The following PRKCB variants were observed in gnomAD, a reference collection of about 807,000 sequenced individuals.
PRKCB encodes protein kinase C beta, also known as protein kinase C beta type.
PRKCB carries 13 observed loss-of-function variants against 81.5 expected under a neutral mutation model. The observed-to-expected ratio is 0.16, with a 90% CI of 0.10 to 0.25. PRKCB has a LOEUF of 0.25. Ranked by LOEUF, PRKCB falls within the 10% of genes least tolerant of loss-of-function variation. PRKCB has a pLI of 1.00. For synonymous variants in PRKCB, 335 were observed against 321.4 expected (o/e 1.04, Z -0.45); for missense variants, 509 against 875.7 (o/e 0.58, Z 5.29).
At chr16:24,040,311 C>T (rs1376479476) in intron 5 of PRKCB, among the ~76,000 whole-genome samples, 1 of 152,148 alleles carries the variant, frequency 6.6e-6, no homozygotes, top group Non-Finnish European at 1.5e-5. Flanking sequence ...AATCCTTGGT[C>T]CTCTGCAGAC....
At chr16:23,974,463 G>C (rs187169286) in intron 2 of PRKCB, among the ~76,000 whole-genome samples, 1 of 152,166 alleles carries the variant, frequency 6.6e-6, no homozygotes, top group African/African-American at 2.4e-5. Context: ...TGGAGAACAG[G>C]AGGAGGAGCC....
Position 24,039,162 on chromosome 16 carries a change from C to T in PRKCB, c.529+3615C>T, listed in dbSNP as rs1459486389. On this transcript the variant is annotated intron_variant, in intron 5 of 16. Coordinates refer to ENST00000643927, the MANE Select transcript of PRKCB (RefSeq NM_002738.7). ...GAGTCCTTACCAGGAATTGAAGCTG[C>T]TGGTACCTCGATCTTGGACTTCCCA... is the stretch of plus-strand genomic sequence containing the variant. Among the ~76,000 whole-genome samples, 3 of 152,198 alleles carry T rather than the reference C, an allele frequency of 2.0e-5. No individual in the cohort carries two copies. In the East Asian group the frequency reaches 5.8e-4, roughly 29 times the overall value.
chr16:23,859,638 G>A (rs1260620167), intron 2 of PRKCB, among the ~76,000 whole-genome samples: 1 of 152,140 alleles, frequency 6.6e-6, no homozygotes, highest in East Asian at 1.9e-4. Context: ...TGAGGCAGAG[G>A]AAGCAGTGAA....
chr16:24,082,618 C>A (rs1018406331), intron 5 of PRKCB, among the ~76,000 whole-genome samples: 11 of 152,136 alleles, frequency 7.2e-5, no homozygotes, highest in Non-Finnish European at 1.5e-5. Context: ...AAAGGACGGT[C>A]TTTCAACAAA....
At chr16:24,136,878 GTTTA>G (rs1966866670) in intron 9 of PRKCB, among the ~76,000 whole-genome samples, 2 of 151,700 alleles carry the variant, frequency 1.3e-5, no homozygotes, top group South Asian at 2.1e-4. Flanking sequence ...TTTTTATTTT[GTTTA>G]TTTATTTATT....
chr16:24,141,052 TC>T (rs1281280518), intron 9 of PRKCB, among the ~76,000 whole-genome samples: 1 of 152,236 alleles, frequency 6.6e-6, no homozygotes, highest in African/African-American at 2.4e-5. Context: ...GCGATTTCAT[TC>T]TTTGCTATAT....
intron 15 of PRKCB, among the ~76,000 whole-genome samples, chr16:24,187,304 A>T (rs755109765): frequency 6.6e-6 from 1 of 152,204 alleles, no homozygotes; most frequent in African/African-American, 2.4e-5. Context: ...CATTTGGCCA[A>T]TTCTCTCCAA....
At chr16:23,838,322 G>A (rs796418612) in intron 2 of PRKCB, among the ~76,000 whole-genome samples, 20 of 152,328 alleles carry the variant, frequency 1.3e-4, no homozygotes, top group African/African-American at 4.8e-4. Flanking sequence ...GCTGAGAGCC[G>A]TCGTCGTAGA....
chr16:24,076,460 T>C (rs891563556), intron 5 of PRKCB, among the ~76,000 whole-genome samples: 1 of 152,172 alleles, frequency 6.6e-6, no homozygotes, highest in Admixed American at 6.5e-5. Flanking sequence ...TGGGGCCTGA[T>C]AGGGAGAAAG....
chr16:24,165,485 C>T (rs1327835950), intron 10 of PRKCB, among the ~76,000 whole-genome samples: 1 of 152,202 alleles, frequency 6.6e-6, no homozygotes, highest in East Asian at 1.9e-4. Flanking sequence ...CAAAAATAAG[C>T]GCTCGATGAA....
intron 5 of PRKCB, among the ~76,000 whole-genome samples, chr16:24,061,224 C>G (rs1228952742): frequency 1.3e-5 from 2 of 152,206 alleles, no homozygotes; most frequent in East Asian, 3.9e-4. Flanking sequence ...CCACACCCAG[C>G]TAATTTTTGT....
Position 24,219,609 on chromosome 16 carries a change from A to C in PRKCB, c.*4793A>C. On this transcript the variant is annotated 3_prime_UTR_variant, in exon 17 of 17. Transcript: ENST00000643927. ...TTTCTATAACATTAAGCATGGTAAT[A>C]AGTAGCTTCCAATTCAATTCATCCT... is the stretch of plus-strand genomic sequence containing the variant. 1.9e-6 allele frequency: 2 copies of C among 1,036,612 alleles called. No individual in the cohort carries two copies. The highest frequency in any genetic ancestry group is 2.3e-6 in the Non-Finnish European group (2 of 862,662). 64.2% of individuals were successfully genotyped at this position (1,036,612 alleles called of 1,614,324 possible).
chr16:24,040,936 C>T (rs1267097222), intron 5 of PRKCB, among the ~76,000 whole-genome samples: 1 of 152,180 alleles, frequency 6.6e-6, no homozygotes, highest in East Asian at 1.9e-4. Context: ...CCCAGGAAAC[C>T]GTATTGACAT....
intron 5 of PRKCB, among the ~76,000 whole-genome samples, chr16:24,064,756 T>C (rs1406703857): frequency 6.6e-6 from 1 of 152,002 alleles, no homozygotes; most frequent in Non-Finnish European, 1.5e-5. Flanking sequence ...AATGTTATTA[T>C]TATAAAATAT....
chr16:24,118,164 C>T (rs545541750), intron 8 of PRKCB, among the ~76,000 whole-genome samples: 108 of 152,332 alleles, frequency 7.1e-4, no homozygotes, highest in African/African-American at 2.5e-3. Context: ...CCCAGTTCTG[C>T]CACCTCCTTG....
intron 2 of PRKCB, among the ~76,000 whole-genome samples, chr16:23,958,953 A>T (rs1014203670): frequency 6.6e-6 from 1 of 152,160 alleles, no homozygotes; most frequent in Admixed American, 6.5e-5. Flanking sequence ...CTGGTTTTAC[A>T]CTTAATACTG....
intron 15 of PRKCB, among the ~76,000 whole-genome samples, chr16:24,187,027 C>T (rs768234047): frequency 3.3e-5 from 5 of 151,872 alleles, no homozygotes; most frequent in Admixed American, 6.6e-5. Flanking sequence ...AAGGCACACA[C>T]GAAGGCCTCC....
At chr16:24,089,593 AC>A (rs1248936217) in intron 5 of PRKCB, among the ~76,000 whole-genome samples, 2 of 152,066 alleles carry the variant, frequency 1.3e-5, no homozygotes, top group East Asian at 3.9e-4. Context: ...ACATAGAGAG[AC>A]CCCCACCTCT....
chr16:24,130,014 C>A (rs1321763435), intron 9 of PRKCB, among the ~76,000 whole-genome samples: 9 of 152,132 alleles, frequency 5.9e-5, no homozygotes, highest in Non-Finnish European at 1.5e-5. Flanking sequence ...TCTGTCTATC[C>A]GTCCATCAAC....
Sources: allele counts gnomAD v4.1 joint callset (sites outside exome capture counted in the v4.1 genomes callset), GRCh38; gene constraint gnomAD v4.1.1; transcripts MANE v1.5; gene names NCBI Gene and HGNC (gene_info 2026-07-23, HGNC 2026-07-21).